PDLIM5: variants seen among roughly 807,000 people sequenced by gnomAD.
PDLIM5 encodes PDZ and LIM domain protein 5.
In PDLIM5, 34 loss-of-function variants were observed where a neutral mutation model predicts 64.2. The ratio of observed to expected loss-of-function variants is 0.53; its 90% CI spans 0.40 to 0.71. The LOEUF (loss-of-function observed/expected upper bound fraction) is 0.71, where lower values mean the gene tolerates loss of function less well. Ranked by LOEUF, PDLIM5 falls within the 30% of genes least tolerant of loss-of-function variation. The probability of loss-of-function intolerance (pLI) is 0.00; values close to 1 mark genes in which losing one functional copy is unlikely to be tolerated. For synonymous variants in PDLIM5, 253 were observed against 269.1 expected, an observed-to-expected ratio of 0.94 and a Z score of 0.59; for missense variants, 683 against 733.6, an observed-to-expected ratio of 0.93 and a Z score of 0.80.
At chr4:94,609,440 C>A (rs1408383355) in intron 7 of PDLIM5, among the ~76,000 whole-genome samples, 2 of 152,092 alleles carry the variant, frequency 1.3e-5, no homozygotes, top group African/African-American at 2.4e-5. Context: ...TTAATAAATA[C>A]TTATTAGTTC....
At chr4:94,605,123 GAGA>G (rs1737813835) in intron 7 of PDLIM5, among the ~76,000 whole-genome samples, 1 of 152,200 alleles carries the variant, frequency 6.6e-6, no homozygotes, top group African/African-American at 2.4e-5. Flanking sequence ...GCATCCAGTA[GAGA>G]AGGAGAGATG....
At chr4:94,636,181 G>C (rs1740542648) in intron 8 of PDLIM5, among the ~76,000 whole-genome samples, 1 of 152,046 alleles carries the variant, frequency 6.6e-6, no homozygotes, top group East Asian at 1.9e-4. Flanking sequence ...ATTTTACAAT[G>C]ACTGATGGAG....
chr4:94,637,674 T>G (rs763560719), intron 8 of PDLIM5, among the ~76,000 whole-genome samples: 24 of 152,310 alleles, frequency 1.6e-4, no homozygotes, highest in Non-Finnish European at 2.5e-4. Context: ...ACAGAAAGGA[T>G]AAGGTTTTAC....
intron 8 of PDLIM5, among the ~76,000 whole-genome samples, chr4:94,635,142 T>C (rs1445984643): frequency 6.6e-6 from 1 of 152,208 alleles, no homozygotes; most frequent in South Asian, 2.1e-4. Flanking sequence ...TCACCAACAC[T>C]ATTGGTTTGG....
At chr4:94,478,446 C>T (rs111998796) in intron 2 of PDLIM5, among the ~76,000 whole-genome samples, 1,804 of 151,868 alleles carry the variant, frequency 0.012, 42 homozygotes, top group African/African-American at 0.041. Context: ...CCAATCCCCG[C>T]GTTGTTCAAG....
At chr4:94,565,214 A>C (rs1237997793) in intron 3 of PDLIM5, among the ~76,000 whole-genome samples, 2 of 152,188 alleles carry the variant, frequency 1.3e-5, no homozygotes, top group Non-Finnish European at 2.9e-5. Context: ...AAACAGGTTG[A>C]CAGGAGCTAG....
intron 8 of PDLIM5, among the ~76,000 whole-genome samples, chr4:94,636,539 CTTT>C (rs770256162): frequency 2.2e-5 from 3 of 133,864 alleles, no homozygotes; most frequent in Non-Finnish European, 3.2e-5. Flanking sequence ...AGAGTTCGTA[CTTT>C]TTTTTTTTTT....
intron 2 of PDLIM5, among the ~76,000 whole-genome samples, chr4:94,520,357 A>G (rs565028349): frequency 2.0e-5 from 3 of 152,336 alleles, no homozygotes; most frequent in South Asian, 2.1e-4. Flanking sequence ...TATGAAATAC[A>G]TACACACTTA....
At chr4:94,479,725 G>A (rs1477657489) in intron 2 of PDLIM5, among the ~76,000 whole-genome samples, 1 of 152,086 alleles carries the variant, frequency 6.6e-6, no homozygotes, top group Non-Finnish European at 1.5e-5. Context: ...CGTGAAATAT[G>A]GACATAGGTA....
chr4:94,490,274 C>T lies in PDLIM5; in HGVS notation c.97-33450C>T, dbSNP rs190123103. On this transcript the variant is annotated intron_variant, in intron 2 of 12. Coordinates refer to ENST00000317968, the MANE Select transcript of PDLIM5 (RefSeq NM_006457.5). ...ATGAATGTTTTCTATATACTTGTTTCTGTATAAAATAATATCTAATGATTT... is the reference window on the plus strand; with the variant it reads ...ATGAATGTTTTCTATATACTTGTTTTTGTATAAAATAATATCTAATGATTT... Among the ~76,000 whole-genome samples, 11 of 151,912 alleles carry T rather than the reference C, an allele frequency of 7.2e-5. No homozygotes were observed. In the East Asian group the frequency reaches 2.1e-3, roughly 29 times the overall value.
intron 11 of PDLIM5, among the ~76,000 whole-genome samples, chr4:94,659,479 A>G (rs1742476743): frequency 7.4e-6 from 1 of 135,742 alleles, no homozygotes; most frequent in Non-Finnish European, 1.6e-5. Flanking sequence ...GAGCAGCTGT[A>G]GTATATATGT....
At chr4:94,622,652 C>T (rs1441065384) in intron 8 of PDLIM5, among the ~76,000 whole-genome samples, 3 of 148,582 alleles carry the variant, frequency 2.0e-5, no homozygotes, top group South Asian at 2.2e-4. Context: ...CTCCCTCTCT[C>T]CCTCCCTCCC....
intron 2 of PDLIM5, among the ~76,000 whole-genome samples, chr4:94,510,270 G>A (rs1376114759): frequency 2.0e-5 from 3 of 152,196 alleles, no homozygotes; most frequent in Non-Finnish European, 4.4e-5. Context: ...TATTGGTGAT[G>A]TGGTTTTAGG....
chr4:94,617,023 A>T (rs542570429), intron 7 of PDLIM5, among the ~76,000 whole-genome samples: 1 of 152,354 alleles, frequency 6.6e-6, no homozygotes, highest in Non-Finnish European at 1.5e-5. Context: ...ACCTCAGGTG[A>T]TCTGCCAGCC....
intron 9 of PDLIM5, among the ~76,000 whole-genome samples, chr4:94,644,910 CT>C (rs11358467): frequency 0.4 from 59,271 of 147,698 alleles, 12,346 homozygotes; most frequent in South Asian, 0.66. Context: ...TGATATTATT[CT>C]TTTTTTTTTA....
rs1735482271 is a variant in PDLIM5, at chr4:94,578,622, T to C, written c.710+2588T>C. Among the ~76,000 whole-genome samples, 4 of 152,178 alleles carry C rather than the reference T, an allele frequency of 2.6e-5. 1 individual carries two copies. In the South Asian group the frequency reaches 8.3e-4, roughly 31 times the overall value. On this transcript the variant is annotated intron_variant, in intron 5 of 12. Coordinates refer to ENST00000317968, the MANE Select transcript of PDLIM5 (RefSeq NM_006457.5). ...AATAAAAATAAATTACACACTTTAC[T>C]AGTCAGTGATGTGTCATTTTGAAGA...
chr4:94,647,378 A>G, intron 9 of PDLIM5, among the ~76,000 whole-genome samples: 1 of 151,760 alleles, frequency 6.6e-6, no homozygotes, highest in Admixed American at 6.7e-5. Context: ...AATCGATGTT[A>G]AGACAAAAAA....
intron 3 of PDLIM5, among the ~76,000 whole-genome samples, chr4:94,530,848 G>A (rs1009104621): frequency 6.6e-6 from 1 of 152,120 alleles, no homozygotes; most frequent in East Asian, 1.9e-4. Context: ...AGAAGTAGCT[G>A]TTGTACCAGA....
rs182211007 is a variant in PDLIM5, at chr4:94,657,172, A to C, written c.1465-255A>C. 2.3e-4 allele frequency among the ~76,000 whole-genome samples: 35 copies of C among 152,342 alleles called. No individual in the cohort carries two copies. In the East Asian group the frequency reaches 4.6e-3, roughly 20 times the overall value. ...ACTGTACATATAATGTATAAATAACATAGTGATCATTCTTTAAGTTTATTG... is the reference window on the plus strand; with the variant it reads ...ACTGTACATATAATGTATAAATAACCTAGTGATCATTCTTTAAGTTTATTG... On this transcript the variant is annotated intron_variant, in intron 10 of 12. Transcript: ENST00000317968.
Sources: allele counts gnomAD v4.1 joint callset (sites outside exome capture counted in the v4.1 genomes callset), GRCh38; gene constraint gnomAD v4.1.1; transcripts MANE v1.5; gene names NCBI Gene and HGNC (gene_info 2026-07-23, HGNC 2026-07-21).